ALLC: variants seen among roughly 807,000 people sequenced by gnomAD.
ALLC encodes probable inactive allantoicase.
Under a neutral mutation model 45.0 loss-of-function variants are expected in ALLC, and 40 were observed. The observed-to-expected ratio is 0.89, with a 90% CI of 0.69 to 1.16. The LOEUF is 1.16. ALLC is among the 50% of genes most tolerant of loss of function. The pLI is 0.00. For synonymous variants in ALLC, 176 were observed against 178.1 expected, an observed-to-expected ratio of 0.99 and a Z score of 0.09; for missense variants, 488 against 493.1, an observed-to-expected ratio of 0.99 and a Z score of 0.10.
chr2:3,647,325 A>G, the ALLC span, among the ~76,000 whole-genome samples: 1 of 151,718 alleles, frequency 6.6e-6, no homozygotes, highest in African/African-American at 2.4e-5. Flanking sequence ...ACACACACAT[A>G]CACACACGAT....
intron 7 of ALLC, 30 bp downstream of exon 7, chr2:3,683,104 C>G: frequency 6.3e-7 from 1 of 1,588,334 alleles, no homozygotes; most frequent in Admixed American, 1.9e-5. Context: ...ATCACCAGTT[C>G]CATGGCTTCT....
intron 10 of ALLC, among the ~76,000 whole-genome samples, chr2:3,700,777 C>G (rs892982499): frequency 6.6e-6 from 1 of 152,140 alleles, no homozygotes; most frequent in South Asian, 2.1e-4. Context: ...GTTCGCCCAC[C>G]CTGGAGACTA....
intron 7 of ALLC, among the ~76,000 whole-genome samples, chr2:3,683,887 A>G (rs1168687372): frequency 6.6e-6 from 1 of 152,232 alleles, no homozygotes; most frequent in African/African-American, 2.4e-5. Flanking sequence ...ACACTCTACC[A>G]GTAAGTATAA....
chr2:3,683,841 A>G (rs1434720973), intron 7 of ALLC, among the ~76,000 whole-genome samples: 1 of 152,220 alleles, frequency 6.6e-6, no homozygotes, highest in Non-Finnish European at 1.5e-5. Context: ...GCTCAAAGGA[A>G]ATGCTCACTG....
rs528167675 is a variant in ALLC at position 3,701,419 on chromosome 2, G to A, written c.851-93G>A. ...GAAGAGCAGGGACTTGTTTTTTGCT[G>A]GGTTTTTGATCTTATTAAAAAAGCA... On this transcript the variant is annotated intron_variant, in intron 10 of 11. Coordinates refer to ENST00000252505, the MANE Select transcript of ALLC (RefSeq NM_018436.4). The A allele has an allele frequency of 1.6e-5, 22 of 1,392,408 alleles. No homozygotes were observed. In the Admixed American group the frequency reaches 1.9e-4, roughly 12 times the overall value. The allele number at this position is 1,392,408 out of a possible 1,614,324, so 86.3% of individuals were successfully genotyped here.
chr2:3,662,990 T>C (rs1437454972), intron 1 of ALLC, among the ~76,000 whole-genome samples: 1 of 152,160 alleles, frequency 6.6e-6, no homozygotes, highest in Non-Finnish European at 1.5e-5. Flanking sequence ...TCACTTTCCA[T>C]GGGGAGTATG....
At chr2:3,659,173 A>T (rs917669001) in intron 1 of ALLC, among the ~76,000 whole-genome samples, 2 of 152,174 alleles carry the variant, frequency 1.3e-5, no homozygotes, top group African/African-American at 4.8e-5. Context: ...TTTCTTCTTT[A>T]CGAGGGAGTA....
At chr2:3,663,426 C>T (rs551426107) in intron 1 of ALLC, among the ~76,000 whole-genome samples, 7 of 152,108 alleles carry the variant, frequency 4.6e-5, no homozygotes, top group South Asian at 4.2e-4. Context: ...TGTCGGAAGT[C>T]GGGAGGAGGG....
chr2:3,678,473 C>T lies in ALLC; in HGVS notation c.90C>T (p.Asp30=), dbSNP rs1175087931. ...FAPAENLIKS[D]SPCFKEHEYT... ...TGTTGTGGTCTTTGCCCTAGAGTGA[C>T]AGCCCGTGCTTCAAAGAGCATGAAT... Residue 30 remains aspartate, a synonymous_variant, in exon 4 of 12, where the codon GAC becomes GAT. Coordinates refer to ENST00000252505, the MANE Select transcript of ALLC (RefSeq NM_018436.4). 1 of 1,613,690 alleles carries T rather than the reference C, an allele frequency of 6.2e-7. No individual in the cohort carries two copies. The highest frequency in any genetic ancestry group is 8.5e-7 in the Non-Finnish European group (1 of 1,179,592).
chr2:3,674,047 A>ATCTT (rs72082952), intron 2 of ALLC, 28 bp from the exon 3 acceptor site: 70 of 1,426,012 alleles, frequency 4.9e-5, no homozygotes, highest in South Asian at 1.8e-4. Context: ...TGGTTGCTTT[A>ATCTT]TCTTTCTTTC....
intron 1 of ALLC, among the ~76,000 whole-genome samples, chr2:3,670,196 A>G (rs913550694): frequency 2.0e-5 from 3 of 152,262 alleles, no homozygotes; most frequent in African/African-American, 7.2e-5. Flanking sequence ...TCCGTTTCAT[A>G]GACAAAATGG....
chr2:3,659,470 C>T (rs1256273431), intron 1 of ALLC, among the ~76,000 whole-genome samples: 1 of 152,176 alleles, frequency 6.6e-6, no homozygotes, highest in Non-Finnish European at 1.5e-5. Flanking sequence ...GACCCTGGGT[C>T]TGGTCTCAGC....
chr2:3,696,021 C>G, intron 8 of ALLC, 149 bp downstream of exon 8: 3 of 1,008,780 alleles, frequency 3.0e-6, no homozygotes, highest in Non-Finnish European at 4.2e-6. Context: ...GGATTTGATG[C>G]CTTTATGACA....
At chr2:3,691,140 C>T (rs1042427245) in intron 7 of ALLC, among the ~76,000 whole-genome samples, 1 of 152,156 alleles carries the variant, frequency 6.6e-6, no homozygotes, top group African/African-American at 2.4e-5. Flanking sequence ...TGTCATCCCA[C>T]TTCTTTTTGG....
the ALLC span, among the ~76,000 whole-genome samples, chr2:3,651,296 T>C: frequency 5.1e-4 from 2 of 3,938 alleles, no homozygotes; most frequent in Non-Finnish European, 2.0e-3. Flanking sequence ...GGAATTCTTT[T>C]TGGGTGGGTG....
At chr2:3,660,492 T>TA (rs1558532697) in intron 1 of ALLC, among the ~76,000 whole-genome samples, 1 of 152,170 alleles carries the variant, frequency 6.6e-6, no homozygotes, top group African/African-American at 2.4e-5. Context: ...TTACTGTTAT[T>TA]ATAAATAAAG....
the ALLC span, among the ~76,000 whole-genome samples, chr2:3,650,010 T>C: frequency 6.6e-6 from 1 of 152,380 alleles, no homozygotes; most frequent in African/African-American, 2.4e-5. Flanking sequence ...AAATTTGTTC[T>C]GTGAGGAACT....
intron 1 of ALLC, among the ~76,000 whole-genome samples, chr2:3,662,989 A>C (rs1666611777): frequency 6.6e-6 from 1 of 152,210 alleles, no homozygotes; most frequent in African/African-American, 2.4e-5. Flanking sequence ...TTCACTTTCC[A>C]TGGGGAGTAT....
chr2:3,702,018 AGCT>A (rs1271571195), intron 11 of ALLC, among the ~76,000 whole-genome samples: 1 of 152,090 alleles, frequency 6.6e-6, no homozygotes, highest in Non-Finnish European at 1.5e-5. Context: ...TAGAGGTGAG[AGCT>A]GCTCCCATGT....
Sources: gnomAD v4.1 joint callset for allele counts (sites outside exome capture counted in the v4.1 genomes callset) on GRCh38, gnomAD v4.1.1 for gene constraint, MANE v1.5 for transcripts, NCBI Gene and HGNC (gene_info 2026-07-23, HGNC 2026-07-21) for gene names.